DNAAF1: variants seen among roughly 807,000 people sequenced by gnomAD.
The protein encoded by DNAAF1 is dynein axonemal assembly factor 1.
In DNAAF1, 65 loss-of-function variants were observed where a neutral mutation model predicts 71.1. The observed-to-expected ratio is 0.91, with a 90% CI of 0.75 to 1.12. The LOEUF (loss-of-function observed/expected upper bound fraction) is 1.12. DNAAF1 is among the 50% of genes most tolerant of loss of function. The probability of loss-of-function intolerance (pLI) is 0.00; values close to 1 mark genes in which losing one functional copy is unlikely to be tolerated. For synonymous variants in DNAAF1, 414 were observed against 354.6 expected, an observed-to-expected ratio of 1.17 and a Z score of -1.88; for missense variants, 1,178 against 899.8, an observed-to-expected ratio of 1.31 and a Z score of -3.96.
At chr16:84,149,398 A>G (rs1032443865) in intron 2 of DNAAF1, among the ~76,000 whole-genome samples, 1 of 152,182 alleles carries the variant, frequency 6.6e-6, no homozygotes, top group Non-Finnish European at 1.5e-5. Flanking sequence ...AGAACATACA[A>G]TGCAATTTTT....
At chr16:84,145,770 C>G (rs920558248) in intron 1 of DNAAF1, among the ~76,000 whole-genome samples, 18 of 152,168 alleles carry the variant, frequency 1.2e-4, no homozygotes, top group African/African-American at 3.6e-4. Context: ...AAACTTGCAC[C>G]AAACAGATAA....
At chr16:84,164,151 A>C (rs1210695795) in intron 6 of DNAAF1, among the ~76,000 whole-genome samples, 2 of 152,204 alleles carry the variant, frequency 1.3e-5, no homozygotes, top group Non-Finnish European at 1.5e-5. Context: ...AAAATTGAGC[A>C]GAAAGTAGAG....
At chr16:84,148,496 A>T (rs2087019831) in intron 1 of DNAAF1, among the ~76,000 whole-genome samples, 1 of 151,372 alleles carries the variant, frequency 6.6e-6, no homozygotes, top group Non-Finnish European at 1.5e-5. Flanking sequence ...CCTGTACAAG[A>T]GTTTTTATAG....
Position 84,155,648 on chromosome 16 carries a change from C to T in DNAAF1, c.640C>T (p.Gln214Ter). 1.9e-6 allele frequency: 3 copies of T among 1,614,188 alleles called. No homozygotes were observed. The South Asian group carries it at 3.3e-5, about 18-fold the overall frequency. ...HNHLETVEDI[Q>*]HLQECLRLCV... ...TCACCTGGAGACCGTGGAGGACATTCAGCATCTACAAGAGTGTTTGAGGCT... is the reference window on the plus strand; with the variant it reads ...TCACCTGGAGACCGTGGAGGACATTTAGCATCTACAAGAGTGTTTGAGGCT... Residue 214 changes from glutamine (Q) to a stop codon, truncating the protein, a stop_gained, in exon 5 of 12, where the codon CAG becomes TAG. Transcript: ENST00000378553. LOFTEE classifies it high-confidence loss of function.
chr16:84,177,841 G>T lies in DNAAF1; in HGVS notation c.2178G>T (p.Ter726TyrextTer?). ...CATTCCCAGCACCGAAAGCATCATAGTTTTCCCCAGTTATATGTAGCATAA... is the reference window on the plus strand; with the variant it reads ...CATTCCCAGCACCGAAAGCATCATATTTTTCCCCAGTTATATGTAGCATAA... The part of the protein sequence containing the change: ...LTAFPAPKAS[*>Y] Residue 726 changes from the stop codon to tyrosine (Y), a stop_lost, in exon 12 of 12, where the codon TAG becomes TAT. Coordinates refer to ENST00000378553, the MANE Select transcript of DNAAF1 (RefSeq NM_178452.6). The T allele has an allele frequency of 1.2e-6, 2 of 1,611,354 alleles. No homozygotes were observed. Among genetic ancestry groups the T allele is most frequent in the Middle Eastern group, 3.3e-4 (2 of 6,054 alleles).
At chr16:84,166,039 T>A in intron 7 of DNAAF1, 90 bp downstream of exon 7, 2 of 132,850 alleles carry the variant, frequency 1.5e-5, no homozygotes, top group Non-Finnish European at 2.1e-5. Flanking sequence ...TCTTGGGAAT[T>A]TTTTTTTTTT....
chr16:84,166,041 T>C (rs1223328944), intron 7 of DNAAF1, 92 bp downstream of exon 7: 1 of 391,184 alleles, frequency 2.6e-6, no homozygotes, highest in Non-Finnish European at 3.5e-6. Flanking sequence ...TTGGGAATTT[T>C]TTTTTTTTTT....
At chr16:84,168,001 G>A (rs1023791067) in intron 7 of DNAAF1, among the ~76,000 whole-genome samples, 3 of 151,198 alleles carry the variant, frequency 2.0e-5, no homozygotes, top group Non-Finnish European at 4.4e-5. Context: ...TGGGCGACAA[G>A]AGCGAAACTC....
chr16:84,159,016 C>T (rs910815040), intron 5 of DNAAF1: 2 of 986,478 alleles, frequency 2.0e-6, no homozygotes, highest in East Asian at 2.3e-4. Flanking sequence ...CAGGAGTGAG[C>T]CACCATGCCC....
At chr16:84,148,233 G>A (rs534416189) in intron 1 of DNAAF1, among the ~76,000 whole-genome samples, 2 of 152,006 alleles carry the variant, frequency 1.3e-5, no homozygotes, top group East Asian at 3.9e-4. Context: ...GTATAGTATT[G>A]CTTTGCATAT....
At chr16:84,166,941 C>T (rs1443803721) in intron 7 of DNAAF1, among the ~76,000 whole-genome samples, 1 of 152,226 alleles carries the variant, frequency 6.6e-6, no homozygotes, top group Non-Finnish European at 1.5e-5. Context: ...CCCACACCCA[C>T]CAATTCTCTG....
At position 84,149,132 on chromosome 16, in the gene DNAAF1, C is replaced by T. The variant is rs372031638; in HGVS notation, c.250C>T (p.Arg84Trp). ...FAHPREDRED[R>W]GPRMTKSSLQ... ...ACACCCAAGAGAAGACAGGGAAGAT[C>T]GGGGCCCCAGGTATGTGGGCATACT... Residue 84 changes from arginine to tryptophan, a missense_variant, in exon 2 of 12, where the codon CGG becomes TGG. By Grantham distance (101) the Arg-to-Trp change is moderately radical. Coordinates refer to ENST00000378553, the MANE Select transcript of DNAAF1 (RefSeq NM_178452.6). 9 of 1,613,978 alleles carry T rather than the reference C, an allele frequency of 5.6e-6. No individual in the cohort carries two copies. Among genetic ancestry groups the T allele is most frequent in the African/African-American group, 2.7e-5 (2 of 74,950 alleles).
chr16:84,161,439 G>A (rs932813935), intron 6 of DNAAF1, among the ~76,000 whole-genome samples: 36 of 152,296 alleles, frequency 2.4e-4, no homozygotes, highest in African/African-American at 7.5e-4. Flanking sequence ...AGGCAGGAGT[G>A]CAGTGGTGCA....
At chr16:84,149,653 T>C (rs2087088463) in intron 2 of DNAAF1, among the ~76,000 whole-genome samples, 1 of 136,068 alleles carries the variant, frequency 7.3e-6, no homozygotes. Context: ...ATCATACCAC[T>C]GCACTCCAGC....
intron 9 of DNAAF1, chr16:84,174,035 T>A: frequency 4.5e-6 from 1 of 221,234 alleles, no homozygotes; most frequent in Non-Finnish European, 7.9e-6. Context: ...CTCTAAGCAG[T>A]ACATACTATT....
intron 8 of DNAAF1, 84 bp downstream of exon 8, chr16:84,170,440 G>C: frequency 6.3e-7 from 1 of 1,595,770 alleles, no homozygotes; most frequent in South Asian, 1.1e-5. Flanking sequence ...TGGGACCTGG[G>C]GCCTGAGTTT....
At chr16:84,155,125 G>C (rs1045609108) in intron 4 of DNAAF1, among the ~76,000 whole-genome samples, 1 of 152,162 alleles carries the variant, frequency 6.6e-6, no homozygotes, top group Non-Finnish European at 1.5e-5. Flanking sequence ...AGCCAGGATG[G>C]TCTCGATCTC....
chr16:84,177,745 C>G lies in DNAAF1; in HGVS notation c.2082C>G (p.Ala694=). The change falls in exon 12 of 12, where the codon GCC becomes GCG. Residue 694 remains alanine (A), a synonymous_variant. Coordinates refer to ENST00000378553, the MANE Select transcript of DNAAF1 (RefSeq NM_178452.6). ...CTTCCACAGTGCCGACTGAGAGCGC[C>G]GCCACACCCCCAGAGACGTGTGTCG... ...AASSPVPTES[A]ATPPETCVGV... is the part of the protein sequence containing the mutation. 6.2e-7 allele frequency: 1 copy of G among 1,613,948 alleles called. No individual in the cohort carries two copies. Among genetic ancestry groups the G allele is most frequent in the East Asian group, 2.2e-5 (1 of 44,880 alleles).
rs747397061 is a variant in DNAAF1 at position 84,176,286 on chromosome 16, A to G, written c.2052A>G (p.Ala684=). ...GAGACAGGGACAGCGACTTCCTTGC[A>G]GCCTCTTCTCCGGGTAAGAGCGTGG... ...SSGDRDSDFL[A]ASSPVPTESA... The change falls in exon 11 of 12, where the codon GCA becomes GCG. Residue 684 remains alanine, a synonymous_variant. Transcript: ENST00000378553. 13 of 1,613,364 alleles carry G rather than the reference A, an allele frequency of 8.1e-6. No homozygotes were observed. Among genetic ancestry groups the G allele is most frequent in the South Asian group, 1.1e-5 (1 of 91,074 alleles).
Sources: gnomAD v4.1 joint callset for allele counts (sites outside exome capture counted in the v4.1 genomes callset) on GRCh38, gnomAD v4.1.1 for gene constraint, MANE v1.5 for transcripts, NCBI Gene and HGNC (gene_info 2026-07-23, HGNC 2026-07-21) for gene names.